Variants in SSBP4 observed in about 807,000 individuals in gnomAD.
SSBP4 encodes the protein single-stranded DNA-binding protein 4.
SSBP4 carries 33 observed loss-of-function variants against 64.6 expected under a neutral mutation model. The ratio of observed to expected loss-of-function variants is 0.51; its 90% confidence interval spans 0.39 to 0.68. The LOEUF is 0.68. Ranked by LOEUF, SSBP4 falls within the 30% of genes least tolerant of loss-of-function variation. SSBP4 has a pLI of 0.00. For missense variants in SSBP4, 583 were observed against 566.8 expected (o/e 1.03, Z -0.29); for synonymous variants, 243 against 224.0 (o/e 1.08, Z -0.76).
rs1468074866 is a variant in SSBP4 at position 18,432,760 on chromosome 19, C to A, written c.786+25C>A. The A allele has an allele frequency of 1.1e-5, 18 of 1,611,468 alleles. No homozygotes were observed. In the South Asian group the frequency reaches 1.8e-4, roughly 16 times the overall value. On this transcript the variant is annotated intron_variant, in intron 12 of 17. Transcript: ENST00000270061. ...CGTAAGTCTGAGCAAAGCTGGGTCA[C>A]CCCTGGGCAGGGGTTGTGGGATGGC...
chr19:18,419,051 A>G (rs1972240479), upstream of SSBP4: 3 of 985,632 alleles, frequency 3.0e-6, no homozygotes, highest in Admixed American at 1.8e-4. Flanking sequence ...TCGTTCCAGC[A>G]GCGGGGTACA....
the SSBP4 span, among the ~76,000 whole-genome samples, chr19:18,403,739 G>C: frequency 6.6e-6 from 1 of 151,908 alleles, no homozygotes; most frequent in Admixed American, 6.6e-5. Context: ...GGGGGTGCTG[G>C]GGTCTAGGGA....
At chr19:18,418,429 G>A (rs772146844), upstream of SSBP4, among the ~76,000 whole-genome samples, 1 of 152,318 alleles carries the variant, frequency 6.6e-6, no homozygotes, top group Admixed American at 6.5e-5. This position sits in a 1 kb window ranked among gnomAD's most constrained non-coding sequence, Gnocchi z 6.7. Flanking sequence ...ACCCCTGGTG[G>A]GGGGATGAAG....
At chr19:18,415,991 C>T (rs1412786464), upstream of SSBP4, among the ~76,000 whole-genome samples, 1 of 152,162 alleles carries the variant, frequency 6.6e-6, no homozygotes, top group East Asian at 1.9e-4. Context: ...ACCTTGATCT[C>T]ACTGGCAACG....
rs747010799 is a variant in SSBP4, at chr19:18,433,590, G to A, written c.997G>A (p.Gly333Ser). ...PHHVNGSLGSGDMDGLPKSSP... is the reference protein window; with the variant it reads ...PHHVNGSLGSSDMDGLPKSSP... Reference sequence around the variant, plus strand: ...GTGTCTGTCCGTGTCTGTAGGCTCGGGCGACATGGACGGGTTGCCGAAGGT... The same window carrying A: ...GTGTCTGTCCGTGTCTGTAGGCTCGAGCGACATGGACGGGTTGCCGAAGGT... The change falls in exon 16 of 18, where the codon GGC becomes AGC. Residue 333 changes from glycine (G) to serine (S), a missense_variant. Transcript: ENST00000270061. 6.5e-7 allele frequency: 1 copy of A among 1,536,796 alleles called. No homozygotes were observed. Among genetic ancestry groups the A allele is most frequent in the South Asian group, 1.2e-5 (1 of 83,190 alleles).
chr19:18,403,233 C>T, the SSBP4 span, among the ~76,000 whole-genome samples: 1 of 152,206 alleles, frequency 6.6e-6, no homozygotes, highest in Non-Finnish European at 1.5e-5. Flanking sequence ...CCCACTATCA[C>T]CCTGCTCTCT....
At chr19:18,431,762 C>T (rs1272386630) in intron 7 of SSBP4, 31 bp from the exon 8 acceptor site, 2 of 1,538,894 alleles carry the variant, frequency 1.3e-6, no homozygotes, top group East Asian at 2.5e-5. Flanking sequence ...GGGAGCACCC[C>T]ACACTCAGTG....
intron 4 of SSBP4, among the ~76,000 whole-genome samples, chr19:18,430,409 C>A (rs1020306108): frequency 6.6e-6 from 1 of 152,200 alleles, no homozygotes; most frequent in Non-Finnish European, 1.5e-5. Context: ...ACCCCAGAAT[C>A]CTGCTTTTCA....
chr19:18,423,623 C>T lies in SSBP4; in HGVS notation c.60-3728C>T, dbSNP rs541485821. Reference sequence around the variant, plus strand: ...GTAATTATGGTAACTCGCGTCATTACGGTGGTAGCTGTGGTACATTTCAGG... The same window carrying T: ...GTAATTATGGTAACTCGCGTCATTATGGTGGTAGCTGTGGTACATTTCAGG... On this transcript the variant is annotated intron_variant, in intron 1 of 17. Transcript: ENST00000270061. This position sits in a 1 kb window ranked among gnomAD's most constrained non-coding sequence, Gnocchi z 4.0. Among the ~76,000 whole-genome samples the T allele has an allele frequency of 4.6e-5, 7 of 152,292 alleles. No individual in the cohort carries two copies. Among genetic ancestry groups the T allele is most frequent in the East Asian group, 3.9e-4 (2 of 5,180 alleles).
intron 11 of SSBP4, 25 bp from the exon 12 acceptor site, chr19:18,432,675 T>G: frequency 6.4e-7 from 1 of 1,559,248 alleles, no homozygotes; most frequent in Non-Finnish European, 8.7e-7. Flanking sequence ...CCTGGCTGAC[T>G]GCTCACAGCT....
upstream of SSBP4, among the ~76,000 whole-genome samples, chr19:18,414,850 G>A (rs936409550): frequency 2.0e-5 from 3 of 152,156 alleles, no homozygotes; most frequent in African/African-American, 4.8e-5. Flanking sequence ...GCTGTTTCCC[G>A]GTCAAGGCCA....
rs1047142321 is a variant in SSBP4 at position 18,423,288 on chromosome 19, C to T, written c.59+3581C>T. ...GGATGTCGGTGGCTTGTTCATCAGC[C>T]TGGCAGGTAAGCCAGGGATGGGATT... On this transcript the variant is annotated intron_variant, in intron 1 of 17. Transcript: ENST00000270061. The surrounding 1 kb of genome is among the most constrained non-coding windows in gnomAD (Gnocchi z 4.0). Among the ~76,000 whole-genome samples, 1 of 152,206 alleles carries T rather than the reference C, an allele frequency of 6.6e-6. No individual in the cohort carries two copies. The highest frequency in any genetic ancestry group is 2.4e-5 in the African/African-American group (1 of 41,452).
intron 1 of SSBP4, among the ~76,000 whole-genome samples, chr19:18,421,164 C>G (rs1051699364): frequency 6.6e-6 from 1 of 152,212 alleles, no homozygotes; most frequent in African/African-American, 2.4e-5. Context: ...CACAAAGATG[C>G]CTGTCCCCTC....
chr19:18,419,511 G>A lies in SSBP4; in HGVS notation c.-138G>A. 4 of 1,108,314 alleles carry A rather than the reference G, an allele frequency of 3.6e-6. No homozygotes were observed. Among genetic ancestry groups the A allele is most frequent in the East Asian group, 1.0e-4 (2 of 19,692 alleles). The allele number at this position is 1,108,314 out of a possible 1,614,324, so 68.7% of individuals were successfully genotyped here. A position where few individuals can be genotyped will look rare whatever the true frequency, so the allele number is the denominator to read the frequency against. ...CGCCGCGGCCGTCTGGAGCTCCCCC[G>A]CGCGGACGATGCCTGCCGTGCCCGC... On this transcript the variant is annotated 5_prime_UTR_variant, in exon 1 of 18. Transcript: ENST00000270061.
the SSBP4 span, among the ~76,000 whole-genome samples, chr19:18,411,758 G>T: frequency 1.3e-5 from 2 of 152,092 alleles, no homozygotes; most frequent in African/African-American, 4.8e-5. Context: ...GGACTCTGTG[G>T]TGTTGTTAAG....
At chr19:18,430,775 C>T (rs1157256603) in intron 4 of SSBP4, 66 bp from the exon 5 acceptor site, 4 of 1,437,526 alleles carry the variant, frequency 2.8e-6, no homozygotes, top group Admixed American at 4.6e-5. Context: ...AGAGGGGGGG[C>T]ACACCCCAGG....
At chr19:18,419,065 T>C (rs1390380802), upstream of SSBP4, 2 of 985,520 alleles carry the variant, frequency 2.0e-6, no homozygotes, top group Non-Finnish European at 2.4e-6. Context: ...GGGTACACTT[T>C]TGCTGTGTGG....
At chr19:18,433,451 CG>C in intron 15 of SSBP4, 133 bp from the exon 16 acceptor site, 2 of 1,462,206 alleles carry the variant, frequency 1.4e-6, no homozygotes, top group Non-Finnish European at 1.8e-6. Context: ...GCCTCAGTCC[CG>C]GGGTTCCTGG....
chr19:18,429,268 C>A (rs368153361), intron 4 of SSBP4, among the ~76,000 whole-genome samples: 1 of 151,410 alleles, frequency 6.6e-6, no homozygotes, highest in Non-Finnish European at 1.5e-5. Flanking sequence ...CTGTTCGCCC[C>A]TCCCCGGCTC....
Sources: gnomAD v4.1 joint callset for allele counts (sites outside exome capture counted in the v4.1 genomes callset) on GRCh38, gnomAD v4.1.1 for gene constraint, Gnocchi (gnomAD v3.1) non-coding constraint, MANE v1.5 for transcripts, NCBI Gene and HGNC (gene_info 2026-07-23, HGNC 2026-07-21) for gene names.